Variants in ALK observed in about 807,000 individuals in gnomAD.
ALK encodes ALK receptor tyrosine kinase.
In ALK, 74 loss-of-function variants were observed where a neutral mutation model predicts 163.1. The observed-to-expected ratio is 0.45, with a 90% CI of 0.38 to 0.55. The LOEUF is 0.55. Among genes scored for constraint, ALK ranks in the 20% least tolerant of loss-of-function variants. ALK has a pLI of 0.00. For missense variants in ALK, 2,063 were observed against 2,105.3 expected, an observed-to-expected ratio of 0.98 and a Z score of 0.39; for synonymous variants, 960 against 843.2, an observed-to-expected ratio of 1.14 and a Z score of -2.40.
chr2:29,516,556 G>A (rs1313890257), intron 4 of ALK, among the ~76,000 whole-genome samples: 1 of 152,196 alleles, frequency 6.6e-6, no homozygotes, highest in Non-Finnish European at 1.5e-5. Flanking sequence ...GAAGTCCCCT[G>A]CTAAGGGGGA....
At chr2:29,656,886 A>AT (rs1473497256) in intron 3 of ALK, among the ~76,000 whole-genome samples, 13 of 152,178 alleles carry the variant, frequency 8.5e-5, no homozygotes, top group African/African-American at 3.1e-4. Flanking sequence ...GGGAAAAAAA[A>AT]CTGTTCAAAG....
intron 13 of ALK, among the ~76,000 whole-genome samples, chr2:29,233,996 T>G (rs1664298677): frequency 6.6e-6 from 1 of 151,012 alleles, no homozygotes; most frequent in African/African-American, 2.4e-5. Context: ...ATAGGGAGTT[T>G]TTTTTTGTTT....
intron 3 of ALK, among the ~76,000 whole-genome samples, chr2:29,659,924 T>C (rs1677300882): frequency 6.6e-6 from 1 of 152,188 alleles, no homozygotes; most frequent in Admixed American, 6.5e-5. Flanking sequence ...CCAGCTCTGC[T>C]GTTTCTCCCT....
intron 5 of ALK, among the ~76,000 whole-genome samples, chr2:29,368,430 T>C (rs1370266434): frequency 6.6e-6 from 1 of 152,178 alleles, no homozygotes; most frequent in Non-Finnish European, 1.5e-5. Context: ...TCTGGTGATG[T>C]TGCAACAGGT....
Position 29,267,483 on chromosome 2 carries a change from G to C in ALK, c.2041+7616C>G, listed in dbSNP as rs77070549. Reference sequence around the variant, plus strand: ...CCCCAAATCCCCTGCTGCACAGCTGGTACACACTTTGGCCTCCTCATCTTT... The same window carrying C: ...CCCCAAATCCCCTGCTGCACAGCTGCTACACACTTTGGCCTCCTCATCTTT... On this transcript the variant is annotated intron_variant, in intron 11 of 28. Coordinates refer to ENST00000389048, the MANE Select transcript of ALK (RefSeq NM_004304.5). 5.4e-3 allele frequency among the ~76,000 whole-genome samples: 828 copies of C among 152,256 alleles called. 8 individuals carry two copies. Among genetic ancestry groups the C allele is most frequent in the African/African-American group, 0.019 (783 of 41,540 alleles).
At chr2:29,595,568 C>T (rs1298367191) in intron 3 of ALK, among the ~76,000 whole-genome samples, 2 of 152,140 alleles carry the variant, frequency 1.3e-5, no homozygotes, top group Admixed American at 6.5e-5. Context: ...GATCCGCCCG[C>T]CTCGGCCTCC....
chr2:29,512,154 CTCTTA>C (rs1297814457), intron 4 of ALK, among the ~76,000 whole-genome samples: 5 of 152,116 alleles, frequency 3.3e-5, no homozygotes, highest in African/African-American at 1.2e-4. Flanking sequence ...CAATAATTTT[CTCTTA>C]TGTTTTATTC....
intron 1 of ALK, among the ~76,000 whole-genome samples, chr2:29,764,851 C>A (rs562465907): frequency 2.7e-4 from 41 of 152,236 alleles, no homozygotes; most frequent in African/African-American, 9.6e-4. Context: ...TGTCCCCACC[C>A]AAATCTCATG....
intron 1 of ALK, among the ~76,000 whole-genome samples, chr2:29,808,078 T>G (rs1462592411): frequency 1.3e-5 from 2 of 152,236 alleles, no homozygotes; most frequent in East Asian, 3.8e-4. Flanking sequence ...ATCTCTTTTT[T>G]TAATGTATTT....
chr2:29,715,481 G>T (rs1679221776), intron 2 of ALK, among the ~76,000 whole-genome samples: 1 of 152,158 alleles, frequency 6.6e-6, no homozygotes, highest in Non-Finnish European at 1.5e-5. Flanking sequence ...GAAGCTCAGG[G>T]AGCACCACAT....
chr2:29,448,334 C>T (rs1670738766), intron 4 of ALK, among the ~76,000 whole-genome samples: 1 of 152,094 alleles, frequency 6.6e-6, no homozygotes, highest in Non-Finnish European at 1.5e-5. Flanking sequence ...TTCGTTTGGC[C>T]AGTAATGTGA....
intron 18 of ALK, among the ~76,000 whole-genome samples, chr2:29,226,695 G>T (rs975820422): frequency 2.0e-5 from 3 of 152,118 alleles, no homozygotes; most frequent in East Asian, 3.9e-4. Context: ...CCCTTGGTGG[G>T]GGTGGTAGAG....
intron 3 of ALK, among the ~76,000 whole-genome samples, chr2:29,545,569 G>C (rs4522563): frequency 0.14 from 21,730 of 152,116 alleles, 1,801 homozygotes; most frequent in East Asian, 0.31. Flanking sequence ...ACAGTCCAGT[G>C]GGTGAAGGGC....
At chr2:29,287,135 C>A (rs1238149314) in intron 9 of ALK, among the ~76,000 whole-genome samples, 1 of 152,162 alleles carries the variant, frequency 6.6e-6, no homozygotes, top group African/African-American at 2.4e-5. Flanking sequence ...TTCTTGTGTG[C>A]ACCATGTATT....
chr2:29,441,290 C>T (rs1260506605), intron 4 of ALK, among the ~76,000 whole-genome samples: 1 of 152,242 alleles, frequency 6.6e-6, no homozygotes, highest in Non-Finnish European at 1.5e-5. Context: ...AACCATTTGG[C>T]AATCAATCAC....
intron 5 of ALK, among the ~76,000 whole-genome samples, chr2:29,377,094 T>A (rs946277894): frequency 1.2e-4 from 18 of 152,370 alleles, no homozygotes; most frequent in Admixed American, 8.5e-4. Context: ...CCTAATTTTT[T>A]AAATAAGATA....
At chr2:29,448,465 C>A (rs1291360963) in intron 4 of ALK, among the ~76,000 whole-genome samples, 1 of 152,178 alleles carries the variant, frequency 6.6e-6, no homozygotes, top group Non-Finnish European at 1.5e-5. Context: ...TCTCTACACT[C>A]TGGGGAAGGG....
chr2:29,847,177 C>T (rs140857451), intron 1 of ALK, among the ~76,000 whole-genome samples: 257 of 152,252 alleles, frequency 1.7e-3, no homozygotes, highest in African/African-American at 5.9e-3. Flanking sequence ...CACGATACCT[C>T]GGTATTCTCA....
intron 8 of ALK, among the ~76,000 whole-genome samples, chr2:29,305,607 G>A (rs1666488702): frequency 1.3e-5 from 2 of 152,112 alleles, no homozygotes; most frequent in African/African-American, 4.8e-5. Context: ...AAATACCCAT[G>A]CCAAGTATAC....
Sources: gnomAD v4.1 joint callset for allele counts (sites outside exome capture counted in the v4.1 genomes callset) on GRCh38, gnomAD v4.1.1 for gene constraint, MANE v1.5 for transcripts, NCBI Gene and HGNC (gene_info 2026-07-23, HGNC 2026-07-21) for gene names.